The following FTCD variants were observed in gnomAD, a reference collection of about 807,000 sequenced individuals.
FTCD encodes the protein formimidoyltransferase cyclodeaminase.
FTCD carries 76 observed loss-of-function variants against 62.9 expected under a neutral mutation model. The ratio of observed to expected loss-of-function variants is 1.21; its 90% CI spans 1.00 to 1.46. The LOEUF (loss-of-function observed/expected upper bound fraction) is 1.46. FTCD is among the 40% of genes most tolerant of loss of function. FTCD has a pLI of 0.00. For synonymous variants in FTCD, 397 were observed against 336.9 expected, an observed-to-expected ratio of 1.18 and a Z score of -1.95; for missense variants, 845 against 751.3, an observed-to-expected ratio of 1.12 and a Z score of -1.46.
At position 46,137,256 on chromosome 21, in the gene FTCD, C is replaced by A; in HGVS notation, c.1522G>T (p.Glu508Ter). 17 of 1,613,152 alleles carry A rather than the reference C, an allele frequency of 1.1e-5. No individual in the cohort carries two copies. Among genetic ancestry groups the A allele is most frequent in the Non-Finnish European group, 1.4e-5 (16 of 1,179,246 alleles). The change falls in exon 13 of 14, where the codon GAG becomes TAG. Residue 508 changes from glutamate (E) to a stop codon, truncating the protein, a stop_gained. Transcript: ENST00000397746. LOFTEE classifies it high-confidence loss of function. Reference sequence around the variant, plus strand: ...CTGCTCACCTGGTCCTTAAATGCCTCGTCTGTGATGTCCCTCAGGTTGATG... The same window carrying A: ...CTGCTCACCTGGTCCTTAAATGCCTAGTCTGTGATGTCCCTCAGGTTGATG... ...VLINLRDITD[E>*]AFKDQIHHRV...
chr21:46,151,989 G>A lies in FTCD; in HGVS notation c.368-9C>T. 6.4e-7 allele frequency: 1 copy of A among 1,554,402 alleles called. No individual in the cohort carries two copies. Among genetic ancestry groups the A allele is most frequent in the Non-Finnish European group, 8.7e-7 (1 of 1,148,490 alleles). On this transcript the variant is annotated splice_polypyrimidine_tract_variant and intron_variant, in intron 3 of 13. Coordinates refer to ENST00000397746, the MANE Select transcript of FTCD (RefSeq NM_206965.2). ...CTCGCCGTACAGGTAAACTGCAGGA[G>A]AGCCCGGCGGTCAGGCCTGGACCGG...
At position 46,146,068 on chromosome 21, in the gene FTCD, G is replaced by C; in HGVS notation, c.969-121C>G. The C allele has an allele frequency of 2.7e-6, 2 of 729,184 alleles. 1 individual carries two copies. The highest frequency in any genetic ancestry group is 7.8e-4 in the Middle Eastern group (2 of 2,554). 45.2% of individuals were successfully genotyped at this position (729,184 alleles called of 1,614,324 possible). ...CACGGGGAGGTGACCACTCGGCTGA[G>C]AACCTGCGGGGACCCGGCCGGGGTC... On this transcript the variant is annotated intron_variant, in intron 8 of 13. Coordinates refer to ENST00000397746, the MANE Select transcript of FTCD (RefSeq NM_206965.2).
chr21:46,145,481 C>T lies in FTCD; in HGVS notation c.1196G>A (p.Arg399His), dbSNP rs372949122. 6.4e-6 allele frequency: 10 copies of T among 1,557,472 alleles called. No homozygotes were observed. The African/African-American group carries it at 9.6e-5, about 15-fold the overall frequency. ...TTMRRLIPPF[R>H]EASAKLTTLV... ...CGTGGTTAGCTTGGCCGAAGCCTCG[C>T]GGAAGGGCGGGATCAGGCGCCGCAT... Residue 399 changes from arginine to histidine, a missense_variant, in exon 10 of 14, where the codon CGC becomes CAC. Arg to His is a conservative substitution (Grantham distance 29, BLOSUM62 0). Transcript: ENST00000397746.
chr21:46,148,916 G>T (rs1348735030), intron 7 of FTCD, among the ~76,000 whole-genome samples: 1 of 152,186 alleles, frequency 6.6e-6, no homozygotes, highest in African/African-American at 2.4e-5. Context: ...GATTGTATCA[G>T]TGTTGAATTT....
chr21:46,142,441 G>A (rs951200369), intron 10 of FTCD: 1 of 151,214 alleles, frequency 6.6e-6, no homozygotes, highest in African/African-American at 2.4e-5. Flanking sequence ...CAGGTGGCGC[G>A]TCGGGAGCTG....
chr21:46,142,889 G>A (rs2079053296), intron 10 of FTCD: 1 of 152,250 alleles, frequency 6.6e-6, no homozygotes, highest in African/African-American at 2.4e-5. Context: ...ACTGACTGGT[G>A]CGTTTTTACA....
intron 9 of FTCD, 96 bp from the exon 10 acceptor site, chr21:46,145,674 C>T: frequency 1.0e-6 from 1 of 985,954 alleles, no homozygotes; most frequent in Non-Finnish European, 1.4e-6. Context: ...CTGCGGGGGT[C>T]CCACCCGTGT....
At chr21:46,140,619 C>T (rs58832769) in intron 10 of FTCD, among the ~76,000 whole-genome samples, 86 of 88,994 alleles carry the variant, frequency 9.7e-4, no homozygotes, top group Middle Eastern at 7.5e-3. Flanking sequence ...CTCCCCCGTC[C>T]ACCTTCACGT....
At chr21:46,137,514 A>G (rs910679523) in intron 12 of FTCD, among the ~76,000 whole-genome samples, 180 bp from the exon 13 acceptor site, 1 of 152,202 alleles carries the variant, frequency 6.6e-6, no homozygotes, top group African/African-American at 2.4e-5. Context: ...CTTAGAAAAC[A>G]AAACTTTCTC....
chr21:46,141,643 C>G (rs1289910401), intron 10 of FTCD, among the ~76,000 whole-genome samples: 1 of 151,894 alleles, frequency 6.6e-6, no homozygotes, highest in Admixed American at 6.6e-5. Context: ...TTGTCAGAAG[C>G]CCCACACGCA....
At chr21:46,150,053 T>TCCGCCA (rs1404151529) in intron 7 of FTCD, 66 bp downstream of exon 7, 7 of 1,412,122 alleles carry the variant, frequency 5.0e-6, no homozygotes, top group Non-Finnish European at 6.9e-6. Flanking sequence ...GGCTGTGAGC[T>TCCGCCA]CCGCCACCGC....
chr21:46,138,542 C>G lies in FTCD; in HGVS notation c.1409G>C (p.Arg470Pro), dbSNP rs61735839. The G allele has an allele frequency of 2.5e-6, 4 of 1,586,500 alleles. No homozygotes were observed. The highest frequency in any genetic ancestry group is 2.6e-6 in the Non-Finnish European group (3 of 1,173,392). Residue 470 changes from arginine (R) to proline (P), a missense_variant, in exon 12 of 14, where the codon CGG becomes CCG. Transcript: ENST00000397746. The stretch of plus-strand genomic sequence containing the variant: ...TGACCGGCAGGCCAGGTTCCCACAC[C>G]GGGCCAGTTCCTGCAGGGCCGGCCA... Reference protein sequence around the residue: ...SLWPALQELARCGNLACRSDL... With the variant: ...SLWPALQELAPCGNLACRSDL...
At chr21:46,144,272 T>C (rs909154996) in intron 10 of FTCD, among the ~76,000 whole-genome samples, 1 of 151,128 alleles carries the variant, frequency 6.6e-6, no homozygotes, top group African/African-American at 2.4e-5. Context: ...CTGTCTTTTC[T>C]TCTCTTTGTC....
intron 11 of FTCD, 24 bp downstream of exon 11, chr21:46,138,856 G>A (rs201255699): frequency 7.8e-5 from 124 of 1,599,632 alleles, no homozygotes; most frequent in Non-Finnish European, 1.0e-4. Context: ...GAGGCCCACG[G>A]TGCGGCCGGC....
chr21:46,146,582 C>T, intron 7 of FTCD: 1 of 577,716 alleles, frequency 1.7e-6, no homozygotes, highest in South Asian at 2.1e-5. Context: ...CTTGGGGAAC[C>T]TGAGGCCCAG....
At chr21:46,141,728 A>T (rs1417218575) in intron 10 of FTCD, among the ~76,000 whole-genome samples, 1 of 151,880 alleles carries the variant, frequency 6.6e-6, no homozygotes, top group Non-Finnish European at 1.5e-5. Flanking sequence ...AAAAAAAAAA[A>T]TACTAGAAGG....
chr21:46,154,055 G>A, intron 2 of FTCD, 94 bp downstream of exon 2: 2 of 1,344,932 alleles, frequency 1.5e-6, no homozygotes, highest in Non-Finnish European at 2.1e-6. Flanking sequence ...CCAAGCCTGG[G>A]CCCCGGGCCT....
At position 46,150,133 on chromosome 21, in the gene FTCD, G is replaced by T. The variant is rs1156490854; in HGVS notation, c.892C>A (p.Gln298Lys). ...KENLFILEEE[Q>K]RIRLVVSRLG... Reference sequence around the variant, plus strand: ...GCCCGGCCCACCAGCCTGATCCGCTGCTCCTCCTCCAGGATGAAGAGGTTC... The same window carrying T: ...GCCCGGCCCACCAGCCTGATCCGCTTCTCCTCCTCCAGGATGAAGAGGTTC... The change falls in exon 7 of 14, where the codon CAG (glutamine) becomes AAG (lysine). Residue 298 changes from glutamine (Q) to lysine (K), a missense_variant. Coordinates refer to ENST00000397746, the MANE Select transcript of FTCD (RefSeq NM_206965.2). The T allele has an allele frequency of 1.2e-6, 2 of 1,611,086 alleles. No homozygotes were observed. The highest frequency in any genetic ancestry group is 1.7e-6 in the Non-Finnish European group (2 of 1,179,400).
chr21:46,146,421 C>G (rs895162736), intron 7 of FTCD, 94 bp from the exon 8 acceptor site: 2 of 857,940 alleles, frequency 2.3e-6, no homozygotes, highest in Non-Finnish European at 3.9e-6. Flanking sequence ...CGGCAGCCGC[C>G]CCCTGCCCCG....
Sources: allele counts gnomAD v4.1 joint callset (sites outside exome capture counted in the v4.1 genomes callset), GRCh38; gene constraint gnomAD v4.1.1; transcripts MANE v1.5; gene names NCBI Gene and HGNC (gene_info 2026-07-23, HGNC 2026-07-21).